NRG1: variants seen among roughly 807,000 people sequenced by gnomAD.
NRG1 encodes pro-neuregulin-1, membrane-bound isoform.
A neutral mutation model predicts 63.8 loss-of-function variants in NRG1; 18 were observed. That is an observed-to-expected ratio of 0.28 (90% CI 0.19 to 0.42). The LOEUF (loss-of-function observed/expected upper bound fraction) is 0.42, where lower values mean the gene tolerates loss of function less well. Ranked by LOEUF, NRG1 falls within the 10% of genes least tolerant of loss-of-function variation. The pLI is 1.00. For synonymous variants in NRG1, 302 were observed against 301.3 expected, an observed-to-expected ratio of 1.00 and a Z score of -0.02; for missense variants, 762 against 814.7, an observed-to-expected ratio of 0.94 and a Z score of 0.79.
At chr8:31,677,233 C>G (rs925818680) in intron 1 of NRG1, among the ~76,000 whole-genome samples, 2 of 152,018 alleles carry the variant, frequency 1.3e-5, no homozygotes, top group African/African-American at 2.4e-5. Flanking sequence ...ATATTTAAAG[C>G]CTTTGTTTAA....
At chr8:32,204,579 A>G (rs1246103276) in intron 1 of NRG1, among the ~76,000 whole-genome samples, 3 of 152,222 alleles carry the variant, frequency 2.0e-5, no homozygotes, top group Non-Finnish European at 4.4e-5. Context: ...AGTAGTATCT[A>G]TATAGTGAAT....
intron 1 of NRG1, among the ~76,000 whole-genome samples, chr8:32,144,634 C>A (rs1009601530): frequency 2.6e-5 from 4 of 152,128 alleles, no homozygotes; most frequent in African/African-American, 4.8e-5. Flanking sequence ...AGGCTGGTAC[C>A]ATTCTCAGCA....
At chr8:31,722,033 T>C (rs1812969886) in intron 1 of NRG1, among the ~76,000 whole-genome samples, 1 of 152,122 alleles carries the variant, frequency 6.6e-6, no homozygotes, top group Admixed American at 6.6e-5. Context: ...TTTCCATCTT[T>C]CTTAATGTCA....
chr8:31,646,043 T>C (rs937211093), intron 1 of NRG1, among the ~76,000 whole-genome samples: 64 of 152,166 alleles, frequency 4.2e-4, no homozygotes, highest in African/African-American at 1.4e-3. Context: ...AATTCAGCTG[T>C]CCGGGTCCAA....
chr8:32,140,834 G>A (rs1836156049), intron 1 of NRG1, among the ~76,000 whole-genome samples: 1 of 152,044 alleles, frequency 6.6e-6, no homozygotes. Context: ...CACCTCCATT[G>A]ACTTCTCCAG....
intron 1 of NRG1, among the ~76,000 whole-genome samples, chr8:31,884,917 G>A (rs980758757): frequency 6.6e-6 from 1 of 152,110 alleles, no homozygotes; most frequent in Non-Finnish European, 1.5e-5. Context: ...AGAGAAAAAA[G>A]ACTTTTATGG....
At chr8:32,487,943 A>C (rs2129494260) in intron 1 of NRG1, among the ~76,000 whole-genome samples, 1 of 152,304 alleles carries the variant, frequency 6.6e-6, no homozygotes, top group Admixed American at 6.5e-5. Flanking sequence ...GAGGTTGTGC[A>C]ACAAGGGTAC....
intron 1 of NRG1, among the ~76,000 whole-genome samples, chr8:32,140,215 C>T (rs1836065234): frequency 6.6e-6 from 1 of 152,108 alleles, no homozygotes; most frequent in Admixed American, 6.6e-5. Flanking sequence ...GCCATACTTG[C>T]ACATCTCTTT....
intron 1 of NRG1, among the ~76,000 whole-genome samples, chr8:31,986,356 A>G (rs1563650177): frequency 1.3e-5 from 2 of 152,074 alleles, no homozygotes; most frequent in African/African-American, 2.4e-5. Flanking sequence ...CACACTCCCC[A>G]TGAAGCACTT....
intron 1 of NRG1, among the ~76,000 whole-genome samples, chr8:31,822,625 C>T (rs1824113909): frequency 6.6e-6 from 1 of 152,096 alleles, no homozygotes; most frequent in African/African-American, 2.4e-5. Flanking sequence ...GATATTTAGC[C>T]TATTAAAAAG....
intron 1 of NRG1, among the ~76,000 whole-genome samples, chr8:31,732,168 G>A (rs1814150256): frequency 6.6e-6 from 1 of 152,124 alleles, no homozygotes; most frequent in African/African-American, 2.4e-5. Flanking sequence ...TCAGGGTGAA[G>A]GTCAGTGGGT....
At chr8:32,351,599 T>A (rs538516386) in intron 1 of NRG1, among the ~76,000 whole-genome samples, 1 of 152,216 alleles carries the variant, frequency 6.6e-6, no homozygotes, top group South Asian at 2.1e-4. Context: ...CCAGCTTAAG[T>A]GTGTGCCTTC....
chr8:32,061,581 G>A (rs909044289), intron 1 of NRG1: 11 of 151,944 alleles, frequency 7.2e-5, no homozygotes, highest in African/African-American at 2.7e-4. Context: ...CCCTTTCACT[G>A]GTGATGTTTT....
At chr8:32,443,881 G>A (rs1202387406) in intron 1 of NRG1, among the ~76,000 whole-genome samples, 2 of 151,780 alleles carry the variant, frequency 1.3e-5, no homozygotes, top group East Asian at 3.9e-4. Context: ...GTGATTTTTT[G>A]ACAGTATGAA....
chr8:32,673,311 A>G (rs2128898916), intron 5 of NRG1, among the ~76,000 whole-genome samples: 1 of 152,342 alleles, frequency 6.6e-6, no homozygotes, highest in African/African-American at 2.4e-5. Context: ...GGTAGATGAT[A>G]TAATTTATAG....
At chr8:31,694,063 G>A (rs190652205) in intron 1 of NRG1, among the ~76,000 whole-genome samples, 18 of 152,160 alleles carry the variant, frequency 1.2e-4, no homozygotes, top group Non-Finnish European at 2.2e-4. Flanking sequence ...GGCTGGTCTC[G>A]AACTCCTGAG....
At chr8:32,248,591 G>T (rs959840893) in intron 1 of NRG1, among the ~76,000 whole-genome samples, 5 of 151,814 alleles carry the variant, frequency 3.3e-5, no homozygotes, top group African/African-American at 1.2e-4. Context: ...TCAATCCAAG[G>T]TTTTAAATTA....
chr8:32,547,168 C>G (rs1456551372), upstream of NRG1, among the ~76,000 whole-genome samples: 1 of 152,168 alleles, frequency 6.6e-6, no homozygotes, highest in African/African-American at 2.4e-5. Context: ...AATTCTGGAT[C>G]CTTCCGTGGT....
intron 6 of NRG1, among the ~76,000 whole-genome samples, chr8:32,734,237 A>G (rs1331998271): frequency 1.3e-5 from 2 of 152,212 alleles, no homozygotes; most frequent in Non-Finnish European, 2.9e-5. Flanking sequence ...ATACTGACAT[A>G]ATGATGCTGA....
Sources: allele counts gnomAD v4.1 joint callset (sites outside exome capture counted in the v4.1 genomes callset), GRCh38; gene constraint gnomAD v4.1.1; transcripts MANE v1.5; gene names NCBI Gene and HGNC (gene_info 2026-07-23, HGNC 2026-07-21).